Variants in CATSPERD observed in about 807,000 individuals in gnomAD.
CATSPERD encodes cation channel sperm-associated auxiliary subunit delta.
In CATSPERD, 86 loss-of-function variants were observed where a neutral mutation model predicts 98.1. That is an observed-to-expected ratio of 0.88 (90% confidence interval 0.74 to 1.05). The LOEUF is 1.05. CATSPERD is among the 50% of genes least tolerant of loss of function. CATSPERD has a pLI of 0.00. For synonymous variants in CATSPERD, 394 were observed against 390.2 expected, an observed-to-expected ratio of 1.01 and a Z score of -0.12; for missense variants, 995 against 1,005.7, an observed-to-expected ratio of 0.99 and a Z score of 0.14.
chr19:5,723,195 A>AAAAAAAG (rs2055532795), intron 1 of CATSPERD, among the ~76,000 whole-genome samples: 1 of 150,916 alleles, frequency 6.6e-6, no homozygotes, highest in African/African-American at 2.4e-5. Context: ...TCAAAAAAAA[A>AAAAAAAG]AAAAAGAAAA....
rs776535466 is a variant in CATSPERD, at chr19:5,720,728, G to C, written c.-10G>C. On this transcript the variant is annotated 5_prime_UTR_variant, in exon 1 of 22. Transcript: ENST00000381624. ...TTGAGGGGCAGTGGTGGCGGCGGAAGCCCAAGTCGATGCTGATGTTGATGC... is the reference window on the plus strand; with the variant it reads ...TTGAGGGGCAGTGGTGGCGGCGGAACCCCAAGTCGATGCTGATGTTGATGC... 4.5e-5 allele frequency: 72 copies of C among 1,605,744 alleles called. No individual in the cohort carries two copies. Among genetic ancestry groups the C allele is most frequent in the Admixed American group, 8.4e-5 (5 of 59,874 alleles).
At position 5,733,875 on chromosome 19, in the gene CATSPERD, C is replaced by A; in HGVS notation, c.296C>A (p.Thr99Lys). 1 of 1,611,672 alleles carries A rather than the reference C, an allele frequency of 6.2e-7. No individual in the cohort carries two copies. The highest frequency in any genetic ancestry group is 8.5e-7 in the Non-Finnish European group (1 of 1,178,860). The change falls in exon 5 of 22, where the codon ACA (threonine) becomes AAA (lysine). Residue 99 changes from threonine (T) to lysine (K), a missense_variant. By Grantham distance (78) the Thr-to-Lys change is moderately conservative (BLOSUM62 -1). Coordinates refer to ENST00000381624, the MANE Select transcript of CATSPERD (RefSeq NM_152784.4). ...TSMQVGVPEV[T>K]SAHFAGSLLL... ...TTTTAGGTCGGCGTACCAGAAGTGA[C>A]ATCAGCACATTTTGCTGGTTCGTTA...
intron 16 of CATSPERD, 73 bp downstream of exon 16, chr19:5,763,366 T>C: frequency 7.9e-7 from 1 of 1,270,414 alleles, no homozygotes; most frequent in South Asian, 1.2e-5. Flanking sequence ...GGCCCTGAGG[T>C]TGCAATGAGC....
chr19:5,729,482 A>G (rs557041058), intron 3 of CATSPERD, among the ~76,000 whole-genome samples: 7 of 152,300 alleles, frequency 4.6e-5, no homozygotes, highest in African/African-American at 1.7e-4. Flanking sequence ...ATGATATACC[A>G]TGTTCATGGA....
Position 5,724,248 on chromosome 19 carries a change from A to G in CATSPERD, c.72-560A>G, listed in dbSNP as rs186707370. Among the ~76,000 whole-genome samples the G allele has an allele frequency of 6.7e-4, 102 of 151,878 alleles. 2 individuals carry two copies. In the East Asian group the frequency reaches 0.014, roughly 21 times the overall value. ...GCTCTAATTTTCGTATTTTCAGTAG[A>G]GATGGGGTTTCACCAAGTTGGCCAG... On this transcript the variant is annotated intron_variant, in intron 1 of 21. Coordinates refer to ENST00000381624, the MANE Select transcript of CATSPERD (RefSeq NM_152784.4).
At chr19:5,757,727 C>T (rs1798220650) in intron 13 of CATSPERD, 116 bp from the exon 14 acceptor site, 2 of 679,906 alleles carry the variant, frequency 2.9e-6, no homozygotes, top group East Asian at 2.9e-5. Context: ...AGATATGAGC[C>T]ACTACACCCA....
chr19:5,766,604 T>G (rs776434962), intron 17 of CATSPERD, among the ~76,000 whole-genome samples: 25 of 152,168 alleles, frequency 1.6e-4, no homozygotes, highest in Non-Finnish European at 3.2e-4. Context: ...TATTTACTAT[T>G]TCCATAATAA....
chr19:5,760,106 G>A (rs1198285036), intron 15 of CATSPERD, among the ~76,000 whole-genome samples: 1 of 150,276 alleles, frequency 6.7e-6, no homozygotes, highest in Non-Finnish European at 1.5e-5. Context: ...AAGGCCGGGG[G>A]CTGTGGCCCA....
chr19:5,730,669 CATTG>C (rs1034862182), intron 4 of CATSPERD, among the ~76,000 whole-genome samples: 2 of 152,098 alleles, frequency 1.3e-5, no homozygotes, highest in African/African-American at 4.8e-5. Context: ...AATCCCTGCA[CATTG>C]ATTGGCCAAG....
At chr19:5,749,529 G>A (rs948268198) in intron 11 of CATSPERD, among the ~76,000 whole-genome samples, 2 of 152,076 alleles carry the variant, frequency 1.3e-5, no homozygotes, top group South Asian at 2.1e-4. Context: ...ACCTTTTTTC[G>A]AAGGCTAGAA....
intron 15 of CATSPERD, among the ~76,000 whole-genome samples, chr19:5,762,188 C>G (rs2056454080): frequency 6.7e-6 from 1 of 148,180 alleles, no homozygotes; most frequent in South Asian, 2.2e-4. Context: ...CTTGGCCTCC[C>G]AGGTAGCTGA....
rs57266365 is a variant in CATSPERD at position 5,751,531 on chromosome 19, CAAAAAAAAAAAAAAAAAA to C, written c.988-96_988-79del. 885 of 159,248 alleles carry C rather than the reference CAAAAAAAAAAAAAAAAAA, an allele frequency of 5.6e-3. 8 individuals carry two copies. The highest frequency in any genetic ancestry group is 0.012 in the South Asian group (106 of 8,572). 9.9% of individuals were successfully genotyped at this position (159,248 alleles called of 1,614,324 possible). On this transcript the variant is annotated intron_variant, in intron 11 of 21. Coordinates refer to ENST00000381624, the MANE Select transcript of CATSPERD (RefSeq NM_152784.4). ...CCTGGGAGACAGAGTGAGACTCCAT[CAAAAAAAAAAAAAAAAAA>C]AAAAAAAAAAAAAAAAAAATCTGCA...
At chr19:5,743,020 G>A (rs1298690253) in intron 7 of CATSPERD, among the ~76,000 whole-genome samples, 1 of 151,952 alleles carries the variant, frequency 6.6e-6, no homozygotes, top group Admixed American at 6.6e-5. Context: ...TAAGGATCTT[G>A]AGGCTGGGCT....
chr19:5,748,259 C>T lies in CATSPERD; in HGVS notation c.904+4C>T, dbSNP rs766108792. 16 of 1,611,802 alleles carry T rather than the reference C, an allele frequency of 9.9e-6. No individual in the cohort carries two copies. The highest frequency in any genetic ancestry group is 5.5e-5 in the South Asian group (5 of 91,046). ...ACCATCCACAACATTGCTGTCAGTGCGTAGCCGACCCACTGCTAGCCAAGA... is the reference window on the plus strand; with the variant it reads ...ACCATCCACAACATTGCTGTCAGTGTGTAGCCGACCCACTGCTAGCCAAGA... On this transcript the variant is annotated splice_donor_region_variant and intron_variant, in intron 10 of 21. Transcript: ENST00000381624.
intron 8 of CATSPERD, 34 bp downstream of exon 8, chr19:5,744,544 G>A (rs1159725289): frequency 8.0e-6 from 12 of 1,500,054 alleles, no homozygotes; most frequent in South Asian, 1.2e-5. Context: ...CTACTCAGAG[G>A]ACCTTTGCCC....
At chr19:5,762,356 G>A (rs1302931869) in intron 15 of CATSPERD, among the ~76,000 whole-genome samples, 1 of 151,844 alleles carries the variant, frequency 6.6e-6, no homozygotes, top group African/African-American at 2.4e-5. Flanking sequence ...GACCCACTGA[G>A]GCCAGCCCCA....
At chr19:5,767,888 C>CCAG (rs1179108018) in intron 17 of CATSPERD, among the ~76,000 whole-genome samples, 2 of 152,090 alleles carry the variant, frequency 1.3e-5, no homozygotes, top group Non-Finnish European at 2.9e-5. Context: ...CCTCCGCCTC[C>CCAG]CAGGTTCAAG....
At chr19:5,762,058 A>ATATATATATATATTTTTTTT in intron 15 of CATSPERD, among the ~76,000 whole-genome samples, 1 of 10,438 alleles carries the variant, frequency 9.6e-5, no homozygotes, top group African/African-American at 3.3e-4. Context: ...ATATATATAT[A>ATATATATATATATTTTTTTT]TTTTTTTTTT....
Position 5,745,896 on chromosome 19 carries a change from G to T in CATSPERD, c.658-17G>T. 6.2e-7 allele frequency: 1 copy of T among 1,613,638 alleles called. No homozygotes were observed. Among genetic ancestry groups the T allele is most frequent in the African/African-American group, 1.3e-5 (1 of 75,042 alleles). ...GTAGGGTTTGGGGAGAGGCTGAATG[G>T]TGTCTTTTTCTCCCAGGGCATGTTC... On this transcript the variant is annotated splice_polypyrimidine_tract_variant and intron_variant, in intron 8 of 21. Coordinates refer to ENST00000381624, the MANE Select transcript of CATSPERD (RefSeq NM_152784.4).
Sources: allele counts gnomAD v4.1 joint callset (sites outside exome capture counted in the v4.1 genomes callset), GRCh38; gene constraint gnomAD v4.1.1; transcripts MANE v1.5; gene names NCBI Gene and HGNC (gene_info 2026-07-23, HGNC 2026-07-21).